Variants in ZNF804B observed in about 807,000 individuals in gnomAD.
ZNF804B encodes zinc finger 804B.
In ZNF804B, 80 loss-of-function variants were observed where a neutral mutation model predicts 101.4. That is an observed-to-expected ratio of 0.79 (90% CI 0.66 to 0.95). ZNF804B has a LOEUF of 0.95. ZNF804B is among the 40% of genes least tolerant of loss of function. ZNF804B has a pLI of 0.00. For missense variants in ZNF804B, 1,673 were observed against 1,561.9 expected, an observed-to-expected ratio of 1.07 and a Z score of -1.20; for synonymous variants, 622 against 558.8, an observed-to-expected ratio of 1.11 and a Z score of -1.59.
chr7:88,801,171 T>C (rs1165145823), intron 1 of ZNF804B, among the ~76,000 whole-genome samples: 1 of 151,980 alleles, frequency 6.6e-6, no homozygotes, highest in Non-Finnish European at 1.5e-5. Context: ...CAAAAGCCAG[T>C]TCCCAGTCTT....
chr7:89,321,873 A>C (rs879658216), intron 2 of ZNF804B, among the ~76,000 whole-genome samples: 17 of 152,202 alleles, frequency 1.1e-4, no homozygotes, highest in Non-Finnish European at 2.1e-4. Context: ...ATACCATACC[A>C]ACACTAAGTA....
At chr7:88,937,353 G>A (rs147338786) in intron 1 of ZNF804B, among the ~76,000 whole-genome samples, 26 of 152,164 alleles carry the variant, frequency 1.7e-4, no homozygotes, top group African/African-American at 6.3e-4. Flanking sequence ...TAGAATTTAG[G>A]CCTCTACATC....
chr7:88,900,295 A>T lies in ZNF804B; in HGVS notation c.108+140211A>T, dbSNP rs113015910. On this transcript the variant is annotated intron_variant, in intron 1 of 3. Coordinates refer to ENST00000333190, the MANE Select transcript of ZNF804B (RefSeq NM_181646.5). ...ATTTTTAAAAATTGGCAATCGTTAC[A>T]CATGATGAACTATTCAGACCCCTTA... is the stretch of plus-strand genomic sequence containing the variant. Among the ~76,000 whole-genome samples the T allele has an allele frequency of 1.5e-4, 23 of 152,008 alleles. 1 individual carries two copies. Among genetic ancestry groups the T allele is most frequent in the African/African-American group, 5.5e-4 (23 of 41,514 alleles).
chr7:88,767,855 C>T (rs1790007878), intron 1 of ZNF804B, among the ~76,000 whole-genome samples: 1 of 152,198 alleles, frequency 6.6e-6, no homozygotes, highest in African/African-American at 2.4e-5. Flanking sequence ...ACGCTGTTCC[C>T]TCTACCCCAA....
intron 1 of ZNF804B, among the ~76,000 whole-genome samples, chr7:88,958,492 C>T (rs1050852735): frequency 2.6e-5 from 4 of 151,472 alleles, no homozygotes; most frequent in Admixed American, 2.6e-4. Context: ...TCACACAGAG[C>T]CATCCATAGA....
chr7:88,957,276 GCTTT>G (rs1162819198), intron 1 of ZNF804B, among the ~76,000 whole-genome samples: 1 of 151,386 alleles, frequency 6.6e-6, no homozygotes, highest in Admixed American at 6.6e-5. Context: ...CTTAAACCTT[GCTTT>G]CTTTCTAATT....
chr7:88,962,504 G>A (rs1489361444), intron 1 of ZNF804B, among the ~76,000 whole-genome samples: 1 of 150,660 alleles, frequency 6.6e-6, no homozygotes, highest in East Asian at 2.0e-4. Context: ...AGTTCCTAAC[G>A]AGGTGGCTGC....
intron 1 of ZNF804B, among the ~76,000 whole-genome samples, chr7:89,207,512 C>G (rs1004035374): frequency 6.6e-6 from 1 of 152,176 alleles, no homozygotes; most frequent in Non-Finnish European, 1.5e-5. Flanking sequence ...TCCCATGATA[C>G]ATGGGGATTA....
intron 2 of ZNF804B, among the ~76,000 whole-genome samples, chr7:89,219,388 T>TGAAAACAGG (rs1423300724): frequency 6.7e-6 from 1 of 149,818 alleles, no homozygotes; most frequent in Non-Finnish European, 1.5e-5. Flanking sequence ...AATGAAACAT[T>TGAAAACAGG]GAAAACAGGC....
chr7:89,048,227 ATG>A (rs1789143855), intron 1 of ZNF804B, among the ~76,000 whole-genome samples: 1 of 106,212 alleles, frequency 9.4e-6, no homozygotes, highest in African/African-American at 3.7e-5. Context: ...CACACACACA[ATG>A]GAATACTACT....
intron 1 of ZNF804B, among the ~76,000 whole-genome samples, chr7:88,778,052 C>T (rs1369105879): frequency 1.3e-5 from 2 of 152,020 alleles, no homozygotes; most frequent in African/African-American, 2.4e-5. Flanking sequence ...AAAAAAATAA[C>T]ATAAGTTTAT....
intron 2 of ZNF804B, among the ~76,000 whole-genome samples, chr7:89,289,404 G>A (rs550212151): frequency 6.6e-6 from 1 of 152,154 alleles, no homozygotes; most frequent in East Asian, 1.9e-4. Context: ...AATCAGGTGA[G>A]CACTCACAGT....
intron 1 of ZNF804B, among the ~76,000 whole-genome samples, chr7:88,895,544 G>A (rs1260423524): frequency 6.6e-6 from 1 of 152,172 alleles, no homozygotes; most frequent in Non-Finnish European, 1.5e-5. Context: ...CATTAGCAAT[G>A]AGCACATCCA....
intron 1 of ZNF804B, among the ~76,000 whole-genome samples, chr7:89,120,568 G>T (rs1403708578): frequency 2.0e-5 from 3 of 147,620 alleles, no homozygotes; most frequent in Non-Finnish European, 4.5e-5. Context: ...TGAGGCAGGA[G>T]AATGGCGTGA....
At chr7:89,030,027 C>T (rs1788805831) in intron 1 of ZNF804B, among the ~76,000 whole-genome samples, 1 of 152,148 alleles carries the variant, frequency 6.6e-6, no homozygotes, top group African/African-American at 2.4e-5. Flanking sequence ...AAGCATTAGT[C>T]ATGACTGTGT....
chr7:89,324,341 A>G (rs1301517182), intron 2 of ZNF804B, among the ~76,000 whole-genome samples: 1 of 151,864 alleles, frequency 6.6e-6, no homozygotes, highest in East Asian at 1.9e-4. Context: ...TTACAGTGAT[A>G]TGGCCCCCCT....
Position 89,117,316 on chromosome 7 carries a change from C to A in ZNF804B, c.109-100839C>A, listed in dbSNP as rs945201767. Among the ~76,000 whole-genome samples the A allele has an allele frequency of 4.6e-5, 7 of 152,234 alleles. No individual in the cohort carries two copies. In the East Asian group the frequency reaches 1.2e-3, roughly 25 times the overall value. On this transcript the variant is annotated intron_variant, in intron 1 of 3. Transcript: ENST00000333190. ...AGTCATAGGAATCTAATATAGGTAC[C>A]ATGCATCATGTATACAGAAAACTAT...
intron 1 of ZNF804B, among the ~76,000 whole-genome samples, chr7:88,854,550 CCTT>C (rs1791525645): frequency 7.8e-6 from 1 of 127,564 alleles, no homozygotes; most frequent in African/African-American, 3.1e-5. Flanking sequence ...TTCCTTCCTT[CCTT>C]CCTTCCTTCC....
intron 2 of ZNF804B, among the ~76,000 whole-genome samples, chr7:89,224,257 G>C (rs1282699484): frequency 6.6e-6 from 1 of 151,916 alleles, no homozygotes; most frequent in Non-Finnish European, 1.5e-5. Context: ...ATCTCCATTT[G>C]CTTCACAATA....
Sources: gnomAD v4.1 joint callset for allele counts (sites outside exome capture counted in the v4.1 genomes callset) on GRCh38, gnomAD v4.1.1 for gene constraint, MANE v1.5 for transcripts, NCBI Gene and HGNC (gene_info 2026-07-23, HGNC 2026-07-21) for gene names.